The following LINGO1 variants were observed in gnomAD, a reference collection of about 807,000 sequenced individuals.
LINGO1 encodes leucine rich repeat and Ig domain containing 1.
Under a neutral mutation model 37.3 loss-of-function variants are expected in LINGO1, and 11 were observed. That is an observed-to-expected ratio of 0.29 (90% CI 0.19 to 0.49). The LOEUF (loss-of-function observed/expected upper bound fraction) is 0.49, where lower values mean the gene tolerates loss of function less well. Ranked by LOEUF, LINGO1 falls within the 20% of genes least tolerant of loss-of-function variation. The pLI, the probability that LINGO1 is intolerant of heterozygous loss-of-function variation, is 0.99. For missense variants in LINGO1, 585 were observed against 878.2 expected, an observed-to-expected ratio of 0.67 and a Z score of 4.22; for synonymous variants, 387 against 403.0, an observed-to-expected ratio of 0.96 and a Z score of 0.48.
rs535083755 is a variant in LINGO1 at position 77,722,882 on chromosome 15, G to A, written c.-195+12110C>T. 5.9e-5 allele frequency among the ~76,000 whole-genome samples: 9 copies of A among 152,268 alleles called. No homozygotes were observed. The East Asian group carries it at 1.2e-3, about 20-fold the overall frequency. ...AGGGGTGCACTCTCCAGCCCCTCAC[G>A]CAGTAACCCGGGGAGGGCAGCAGCA... On this transcript the variant is annotated intron_variant, in intron 2 of 3. Coordinates refer to the LINGO1 transcript ENST00000561686.
chr15:77,766,955 T>A (rs2076536420), intron 1 of LINGO1, among the ~76,000 whole-genome samples: 1 of 152,110 alleles, frequency 6.6e-6, no homozygotes, highest in African/African-American at 2.4e-5. Context: ...GAAGATTTTT[T>A]AAAAAAGTGT....
At chr15:77,642,812 T>C (rs1336253267) in intron 3 of LINGO1, among the ~76,000 whole-genome samples, 1 of 152,238 alleles carries the variant, frequency 6.6e-6, no homozygotes, top group Non-Finnish European at 1.5e-5. Flanking sequence ...CCGAAAATTC[T>C]TATCAAATAC....
At chr15:77,644,768 G>A (rs1182523820) in intron 3 of LINGO1, among the ~76,000 whole-genome samples, 2 of 152,180 alleles carry the variant, frequency 1.3e-5, no homozygotes, top group Non-Finnish European at 2.9e-5. Flanking sequence ...GAAAACTGGG[G>A]CTAAGAGGGG....
chr15:77,750,925 A>G (rs988308506), intron 1 of LINGO1, among the ~76,000 whole-genome samples: 3 of 152,196 alleles, frequency 2.0e-5, no homozygotes, highest in Non-Finnish European at 4.4e-5. Context: ...GGGACTCCAG[A>G]GTCAGAGGCA....
chr15:77,815,828 G>C (rs183335706), intron 1 of LINGO1, among the ~76,000 whole-genome samples: 32 of 152,162 alleles, frequency 2.1e-4, no homozygotes, highest in Admixed American at 1.8e-3. Flanking sequence ...TGCAAGCCCT[G>C]AATTCAGAAT....
chr15:77,787,718 G>A (rs1003070099), upstream of LINGO1, among the ~76,000 whole-genome samples: 9 of 152,130 alleles, frequency 5.9e-5, no homozygotes, highest in South Asian at 4.1e-4. Context: ...CCTCCTTGCT[G>A]GCAGTTTAGG....
intron 1 of LINGO1, among the ~76,000 whole-genome samples, chr15:77,626,385 T>C (rs1020053370): frequency 1.3e-5 from 2 of 152,194 alleles, no homozygotes; most frequent in East Asian, 1.9e-4. Context: ...AGATTATAAA[T>C]AAAACACTTG....
rs28704027 is a variant in LINGO1 at position 77,726,123 on chromosome 15, G to A, written c.-195+8869C>T. Among the ~76,000 whole-genome samples, 1,086 of 152,330 alleles carry A rather than the reference G, an allele frequency of 7.1e-3. 16 individuals carry two copies. Among genetic ancestry groups the A allele is most frequent in the African/African-American group, 0.025 (1,044 of 41,592 alleles). On this transcript the variant is annotated intron_variant, in intron 2 of 3. Transcript: ENST00000561686. ...GGGCAGGAGGAGGCCACAGCCCTAA[G>A]CTGCCCCACTGAGACCTTTTTCTCC...
chr15:77,788,670 A>G (rs2076794293), upstream of LINGO1: 1 of 152,266 alleles, frequency 6.6e-6, no homozygotes, highest in Admixed American at 6.5e-5. Flanking sequence ...ATGAAAAAAG[A>G]ACAAAAACAA....
At chr15:77,718,232 G>A (rs1366074118) in intron 2 of LINGO1, among the ~76,000 whole-genome samples, 2 of 150,962 alleles carry the variant, frequency 1.3e-5, no homozygotes, top group Admixed American at 6.6e-5. Context: ...AGGAAGACAC[G>A]TATGTGTGAA....
chr15:77,759,008 C>T (rs997676125), intron 1 of LINGO1, among the ~76,000 whole-genome samples: 6 of 152,140 alleles, frequency 3.9e-5, no homozygotes, highest in African/African-American at 1.2e-4. Flanking sequence ...ACAGAGAGAG[C>T]ACCTGAGACC....
chr15:77,653,643 G>A (rs1023096319), intron 3 of LINGO1, among the ~76,000 whole-genome samples: 16 of 152,160 alleles, frequency 1.1e-4, no homozygotes, highest in African/African-American at 2.9e-4. Context: ...GTGTCCGTCC[G>A]CTCTTCCTGC....
intron 3 of LINGO1, among the ~76,000 whole-genome samples, chr15:77,659,850 G>T (rs2141165226): frequency 6.6e-6 from 1 of 151,902 alleles, no homozygotes; most frequent in South Asian, 2.1e-4. Context: ...GAGAGGCTGG[G>T]GTGGGGTGGG....
chr15:77,762,781 C>T (rs1448679099), intron 1 of LINGO1, among the ~76,000 whole-genome samples: 2 of 152,190 alleles, frequency 1.3e-5, no homozygotes, highest in Non-Finnish European at 2.9e-5. Flanking sequence ...AGACAAACCA[C>T]TTCCTCTTTG....
rs151225972 is a variant in LINGO1 at position 77,630,178 on chromosome 15, C to G, written c.6+2132G>C. 2.7e-3 allele frequency among the ~76,000 whole-genome samples: 417 copies of G among 152,138 alleles called. 2 individuals are homozygous for G. The highest frequency in any genetic ancestry group is 0.01 in the Middle Eastern group (3 of 294). ...AAACCACCACACCTACTACCCACCG[C>G]CCCCCACCCTTCCCTGGCTCCACTT... On this transcript the variant is annotated intron_variant, in intron 1 of 1. Transcript: ENST00000355300.
In LINGO1 at chr15:77,615,087, T is replaced by G; in HGVS notation, c.820A>C (p.Asn274His). The G allele has an allele frequency of 6.2e-7, 1 of 1,613,936 alleles. No individual in the cohort carries two copies. The highest frequency in any genetic ancestry group is 8.5e-7 in the Non-Finnish European group (1 of 1,179,874). The change falls in exon 2 of 2, where the codon AAT (asparagine) becomes CAT (histidine). Residue 274 changes from asparagine (N) to histidine (H), a missense_variant. Physicochemically the swap from Asn to His is moderately conservative, Grantham distance 68 (BLOSUM62 1). Around this residue, in one of 4 missense-constraint regions of LINGO1, gnomAD observed 484 missense variants for 735.0 expected, o/e 0.66. Transcript: ENST00000355300. ...NLTSLSITHC[N>H]LTAVPYLAVR... ...GCCAGGTAGGGCACAGCGGTCAGAT[T>G]GCAGTGTGTGATGGACAGGGACGTC...
upstream of LINGO1, among the ~76,000 whole-genome samples, chr15:77,791,392 G>A (rs1158820573): frequency 5.8e-4 from 8 of 13,846 alleles, no homozygotes; most frequent in East Asian, 4.2e-3. Context: ...GAGGCGGGGG[G>A]TCAAGGGAAG....
Position 77,632,480 on chromosome 15 carries a change from C to T in LINGO1, c.-165G>A. ...CTCGCGGGGCTGGCTGTCCGTCTGT[C>T]CGCCCCGCGCGGGCGGGAGCCGAGC... On this transcript the variant is annotated 5_prime_UTR_variant, in exon 1 of 2. Coordinates refer to ENST00000355300, the MANE Select transcript of LINGO1 (RefSeq NM_032808.7). The surrounding 1 kb of genome is among the most constrained non-coding windows in gnomAD (Gnocchi z 6.0). 1 of 645,734 alleles carries T rather than the reference C, an allele frequency of 1.5e-6. No individual in the cohort carries two copies. Among genetic ancestry groups the T allele is most frequent in the South Asian group, 7.4e-5 (1 of 13,602 alleles). The allele number at this position is 645,734 out of a possible 1,614,324, so 40.0% of individuals were successfully genotyped here.
Position 77,632,107 on chromosome 15 carries a change from G to A in LINGO1, c.6+203C>T, listed in dbSNP as rs1436646705. Among the ~76,000 whole-genome samples the A allele has an allele frequency of 6.6e-6, 1 of 152,238 alleles. No homozygotes were observed. The highest frequency in any genetic ancestry group is 1.5e-5 in the Non-Finnish European group (1 of 68,032). On this transcript the variant is annotated intron_variant, in intron 1 of 1. Coordinates refer to ENST00000355300, the MANE Select transcript of LINGO1 (RefSeq NM_032808.7). The surrounding 1 kb of genome is among the most constrained non-coding windows in gnomAD (Gnocchi z 6.0). Reference sequence around the variant, plus strand: ...GCTTACAAACCCGGAATTTGTTGGGGTTGGAGAGAGGGGAGGTGGAAAAGG... The same window carrying A: ...GCTTACAAACCCGGAATTTGTTGGGATTGGAGAGAGGGGAGGTGGAAAAGG...
Sources: gnomAD v4.1 joint callset for allele counts (sites outside exome capture counted in the v4.1 genomes callset) on GRCh38, gnomAD v4.1.1 for gene constraint, gnomAD v4.1.1 regional missense constraint, Gnocchi (gnomAD v3.1) non-coding constraint, MANE v1.5 for transcripts, NCBI Gene and HGNC (gene_info 2026-07-23, HGNC 2026-07-21) for gene names.